Variants in CACNA1E observed in about 807,000 individuals in gnomAD.
CACNA1E encodes the protein voltage-dependent R-type calcium channel subunit alpha-1E.
In CACNA1E, 40 loss-of-function variants were observed where a neutral mutation model predicts 259.2. The observed-to-expected ratio is 0.15, with a 90% CI of 0.12 to 0.20. The LOEUF (loss-of-function observed/expected upper bound fraction) is 0.20. Among genes scored for constraint, CACNA1E ranks in the 10% least tolerant of loss-of-function variants. The pLI is 1.00. For synonymous variants in CACNA1E, 1,104 were observed against 1,138.5 expected (o/e 0.97, Z 0.61); for missense variants, 1,874 against 3,040.1 (o/e 0.62, Z 9.02).
chr1:181,762,775 G>A (rs1467667920), intron 33 of CACNA1E, 118 bp downstream of exon 33: 4 of 657,500 alleles, frequency 6.1e-6, no homozygotes, highest in African/African-American at 5.8e-5. Context: ...CCCTCTAAGT[G>A]TTGGGAATTT....
Position 181,757,930 on chromosome 1 carries a change from C to A in CACNA1E, c.4330-17C>A, listed in dbSNP as rs1273183700. On this transcript the variant is annotated splice_polypyrimidine_tract_variant and intron_variant, in intron 30 of 47. Transcript: ENST00000367573. ...AGGGGATTTGAATTTGTGCTAATAA[C>A]CATGACTTTCTTGCAGAGGGCGTGC... 2 of 1,612,962 alleles carry A rather than the reference C, an allele frequency of 1.2e-6. No individual in the cohort carries two copies. The highest frequency in any genetic ancestry group is 2.7e-5 in the African/African-American group (2 of 75,042).
intron 6 of CACNA1E, among the ~76,000 whole-genome samples, chr1:181,615,420 G>A (rs1338331152): frequency 6.6e-6 from 1 of 152,076 alleles, no homozygotes; most frequent in Non-Finnish European, 1.5e-5. Context: ...GAACTCCTGA[G>A]CTCATGATCT....
chr1:181,793,975 C>A (rs548914762), intron 45 of CACNA1E, among the ~76,000 whole-genome samples, 182 bp downstream of exon 45: 4 of 152,330 alleles, frequency 2.6e-5, no homozygotes, highest in East Asian at 1.9e-4. Context: ...AATGACCCCC[C>A]CTAACCACAA....
intron 3 of CACNA1E, among the ~76,000 whole-genome samples, chr1:181,547,594 C>G (rs979196630): frequency 6.6e-6 from 1 of 152,238 alleles, no homozygotes; most frequent in African/African-American, 2.4e-5. Context: ...CACTCCTAGT[C>G]CAGCGCTCCT....
At chr1:181,604,207 A>G (rs141142183) in intron 6 of CACNA1E, among the ~76,000 whole-genome samples, 1,533 of 152,224 alleles carry the variant, frequency 0.01, 24 homozygotes, top group African/African-American at 0.033. Flanking sequence ...ATTCCACCCC[A>G]ACCTTGTCTC....
Position 181,511,690 on chromosome 1 carries a change from G to T in CACNA1E, c.512+180G>T, listed in dbSNP as rs1208013425. Among the ~76,000 whole-genome samples, 4 of 152,230 alleles carry T rather than the reference G, an allele frequency of 2.6e-5. No homozygotes were observed. The East Asian group carries it at 7.7e-4, about 29-fold the overall frequency. ...CCATAGGTCAGCCACCTCAAGAGGAGGATGAGTACTGTGTGGAGATGCGTG... is the reference window on the plus strand; with the variant it reads ...CCATAGGTCAGCCACCTCAAGAGGATGATGAGTACTGTGTGGAGATGCGTG... On this transcript the variant is annotated intron_variant, in intron 3 of 47. Transcript: ENST00000367573.
At chr1:181,484,067 G>C in intron 1 of CACNA1E, 57 bp downstream of exon 1, 1 of 1,533,466 alleles carries the variant, frequency 6.5e-7, no homozygotes, top group Non-Finnish European at 9.0e-7. Context: ...TTCGGGTGAA[G>C]GGGGGTACCT....
rs146116957 is a variant in CACNA1E at position 181,523,765 on chromosome 1, T to C, written c.512+12255T>C. Among the ~76,000 whole-genome samples the C allele has an allele frequency of 1.9e-3, 297 of 152,330 alleles. 2 individuals are homozygous for C. The highest frequency in any genetic ancestry group is 6.7e-3 in the African/African-American group (277 of 41,580). On this transcript the variant is annotated intron_variant, in intron 3 of 47. Coordinates refer to ENST00000367573, the MANE Select transcript of CACNA1E (RefSeq NM_001205293.3). ...GTTCAGTGTAACTAACCCATTGATA[T>C]GAAAGAAGGAGATGAGGCCCAGAAC... is the stretch of plus-strand genomic sequence containing the variant.
At position 181,376,555 on chromosome 1, in the gene CACNA1E, G is replaced by A. The variant is rs1252380364; in HGVS notation, c.-14-36578G>A. Among the ~76,000 whole-genome samples the A allele has an allele frequency of 2.0e-5, 3 of 152,142 alleles. No homozygotes were observed. In the South Asian group the frequency reaches 6.2e-4, roughly 32 times the overall value. Reference sequence around the variant, plus strand: ...GGCAGCTTGTGTTACATTTTCCTTTGTTCCCTGTTTCCCATTTTTGGAAGG... The same window carrying A: ...GGCAGCTTGTGTTACATTTTCCTTTATTCCCTGTTTCCCATTTTTGGAAGG... On this transcript the variant is annotated intron_variant, in intron 1 of 11. Transcript: ENST00000524607.
intron 38 of CACNA1E, among the ~76,000 whole-genome samples, chr1:181,780,202 G>C (rs1037638270): frequency 6.6e-6 from 1 of 152,180 alleles, no homozygotes; most frequent in Non-Finnish European, 1.5e-5. Flanking sequence ...AGATCACAGT[G>C]AATGAAGCAC....
At chr1:181,365,522 T>C (rs181762076) in intron 1 of CACNA1E, among the ~76,000 whole-genome samples, 3 of 152,224 alleles carry the variant, frequency 2.0e-5, no homozygotes, top group African/African-American at 4.8e-5. Context: ...TGGGTAAATC[T>C]GATGATGGGG....
chr1:181,517,087 G>A (rs1401893146), intron 3 of CACNA1E, among the ~76,000 whole-genome samples: 1 of 152,200 alleles, frequency 6.6e-6, no homozygotes, highest in African/African-American at 2.4e-5. Context: ...ATGGTGGTGG[G>A]GGCTGGAGCC....
intron 1 of CACNA1E, among the ~76,000 whole-genome samples, chr1:181,499,300 G>A (rs1665042401): frequency 6.6e-6 from 1 of 152,208 alleles, no homozygotes. Context: ...CTCCTGGGAA[G>A]GAGGAAGCAG....
intron 1 of CACNA1E, among the ~76,000 whole-genome samples, chr1:181,404,734 C>T (rs538818697): frequency 1.3e-5 from 2 of 152,282 alleles, no homozygotes; most frequent in South Asian, 4.1e-4. Context: ...GAACTTCCCA[C>T]GTGTTTGATC....
At chr1:181,463,040 C>A (rs549475403) in intron 2 of CACNA1E, among the ~76,000 whole-genome samples, 1 of 152,262 alleles carries the variant, frequency 6.6e-6, no homozygotes, top group East Asian at 1.9e-4. Flanking sequence ...TTTAGGAATA[C>A]ACATTTCCAA....
chr1:181,607,888 G>T (rs1654383664), intron 6 of CACNA1E, among the ~76,000 whole-genome samples: 1 of 152,150 alleles, frequency 6.6e-6, no homozygotes, highest in Middle Eastern at 3.2e-3. Context: ...TTTGAAGAGG[G>T]TTTAGTAATG....
chr1:181,674,931 T>C (rs1403879574), intron 7 of CACNA1E, among the ~76,000 whole-genome samples: 4 of 152,260 alleles, frequency 2.6e-5, no homozygotes, highest in African/African-American at 9.6e-5. Flanking sequence ...TCAGGCTCTC[T>C]CATTCCTGTT....
chr1:181,455,735 T>C (rs1661424088), intron 2 of CACNA1E, among the ~76,000 whole-genome samples: 1 of 152,208 alleles, frequency 6.6e-6, no homozygotes, highest in South Asian at 2.1e-4. Flanking sequence ...TTTTTTTTCA[T>C]CCTTGACCAT....
chr1:181,469,375 G>A (rs773627010), intron 2 of CACNA1E, among the ~76,000 whole-genome samples: 8 of 152,274 alleles, frequency 5.3e-5, no homozygotes, highest in Non-Finnish European at 8.8e-5. Context: ...TTTTGTGCCC[G>A]AGTTAGGGGG....
Sources: gnomAD v4.1 joint callset for allele counts (sites outside exome capture counted in the v4.1 genomes callset) on GRCh38, gnomAD v4.1.1 for gene constraint, MANE v1.5 for transcripts, NCBI Gene and HGNC (gene_info 2026-07-23, HGNC 2026-07-21) for gene names.